ENOX1: variants seen among roughly 807,000 people sequenced by gnomAD.
ENOX1 encodes the protein candidate growth-related and time keeping constitutive hydroquinone (NADH) oxidase.
Under a neutral mutation model 82.5 loss-of-function variants are expected in ENOX1, and 42 were observed. The observed-to-expected ratio is 0.51, with a 90% CI of 0.40 to 0.66. ENOX1 has a LOEUF of 0.66. Among genes scored for constraint, ENOX1 ranks in the 30% least tolerant of loss-of-function variants. ENOX1 has a pLI of 0.00. For missense variants in ENOX1, 608 were observed against 811.6 expected (o/e 0.75, Z 3.05); for synonymous variants, 271 against 282.2 (o/e 0.96, Z 0.40).
chr13:43,780,013 T>C (rs1952167773), intron 1 of ENOX1, among the ~76,000 whole-genome samples: 1 of 151,880 alleles, frequency 6.6e-6, no homozygotes, highest in African/African-American at 2.4e-5. Context: ...TACAAAAAAT[T>C]AGCTGGGCAT....
At chr13:43,615,020 C>G in intron 2 of ENOX1, among the ~76,000 whole-genome samples, 1 of 152,036 alleles carries the variant, frequency 6.6e-6, no homozygotes, top group Non-Finnish European at 1.5e-5. Flanking sequence ...TGAGAGAAGA[C>G]TGTGGAATTT....
intron 5 of ENOX1, among the ~76,000 whole-genome samples, chr13:43,395,930 TA>T (rs1468682437): frequency 2.7e-5 from 4 of 146,618 alleles, no homozygotes; most frequent in East Asian, 3.8e-4. Context: ...TACAGAACTG[TA>T]AATTCAGAAA....
intron 3 of ENOX1, among the ~76,000 whole-genome samples, chr13:43,427,224 A>C (rs1403148480): frequency 6.6e-6 from 1 of 151,960 alleles, no homozygotes; most frequent in Non-Finnish European, 1.5e-5. Flanking sequence ...CAGCCAACAC[A>C]CTCCCCAGAT....
intron 14 of ENOX1, among the ~76,000 whole-genome samples, chr13:43,241,562 A>G (rs932493869): frequency 2.6e-5 from 4 of 152,142 alleles, no homozygotes; most frequent in African/African-American, 9.6e-5. Flanking sequence ...GGAAGAACAC[A>G]GTAAAAGCAC....
chr13:43,502,861 C>T (rs574864700), intron 2 of ENOX1, among the ~76,000 whole-genome samples: 7 of 150,090 alleles, frequency 4.7e-5, no homozygotes, highest in Non-Finnish European at 8.9e-5. Flanking sequence ...AGCAATCAGG[C>T]AATAAAAAGA....
At chr13:43,340,154 ACTG>A (rs1227599340) in intron 9 of ENOX1, among the ~76,000 whole-genome samples, 1 of 152,244 alleles carries the variant, frequency 6.6e-6, no homozygotes, top group Admixed American at 6.5e-5. Flanking sequence ...TAGTCAGGTT[ACTG>A]CTAATAGTTT....
At chr13:43,595,228 A>AATG (rs2081410548) in intron 2 of ENOX1, among the ~76,000 whole-genome samples, 1 of 151,574 alleles carries the variant, frequency 6.6e-6, no homozygotes. Context: ...ATAGATATTG[A>AATG]ATGAATAGAA....
chr13:43,567,803 CA>C, intron 2 of ENOX1, among the ~76,000 whole-genome samples: 1 of 152,234 alleles, frequency 6.6e-6, no homozygotes, highest in South Asian at 2.1e-4. Context: ...TATGTAACTT[CA>C]AATATCTTTG....
At chr13:43,702,252 T>C (rs1239600448) in intron 1 of ENOX1, among the ~76,000 whole-genome samples, 2 of 152,234 alleles carry the variant, frequency 1.3e-5, no homozygotes, top group African/African-American at 4.8e-5. Context: ...TGCAGAAATA[T>C]CTTGTTGAGG....
intron 2 of ENOX1, among the ~76,000 whole-genome samples, chr13:43,495,199 T>C (rs1480588354): frequency 6.6e-6 from 1 of 152,162 alleles, no homozygotes; most frequent in Admixed American, 6.5e-5. Context: ...TCAGCGAGTA[T>C]AATATATGGT....
intron 1 of ENOX1, among the ~76,000 whole-genome samples, chr13:43,709,562 G>A (rs536014860): frequency 6.6e-6 from 1 of 151,948 alleles, no homozygotes; most frequent in East Asian, 1.9e-4. Context: ...AGGGATCAAT[G>A]TGAAAAACAT....
intron 14 of ENOX1, among the ~76,000 whole-genome samples, chr13:43,251,028 T>C (rs2043425160): frequency 6.6e-6 from 1 of 152,144 alleles, no homozygotes; most frequent in African/African-American, 2.4e-5. Flanking sequence ...ACCTGCCCAG[T>C]GGAAAACTCT....
chr13:43,323,903 T>G (rs1326304882), intron 10 of ENOX1, among the ~76,000 whole-genome samples: 1 of 152,218 alleles, frequency 6.6e-6, no homozygotes, highest in Non-Finnish European at 1.5e-5. Context: ...TATTTATTGC[T>G]AACAGCATTT....
intron 5 of ENOX1, among the ~76,000 whole-genome samples, chr13:43,382,849 T>C (rs1357707987): frequency 3.3e-5 from 5 of 152,148 alleles, no homozygotes; most frequent in African/African-American, 1.2e-4. Context: ...ACGAAAACAC[T>C]GCCACAGTGA....
At chr13:43,621,555 T>C (rs2082732788) in intron 2 of ENOX1, among the ~76,000 whole-genome samples, 1 of 152,192 alleles carries the variant, frequency 6.6e-6, no homozygotes, top group African/African-American at 2.4e-5. Flanking sequence ...ATAATTGTTT[T>C]GTTTGAGAAG....
At chr13:43,368,272 G>C (rs1301067219) in intron 5 of ENOX1, among the ~76,000 whole-genome samples, 2 of 152,190 alleles carry the variant, frequency 1.3e-5, no homozygotes, top group African/African-American at 4.8e-5. Context: ...TGACCAGGAT[G>C]CAACGCTGGC....
At chr13:43,359,624 G>A (rs1232830866) in intron 7 of ENOX1, 4 of 542,244 alleles carry the variant, frequency 7.4e-6, no homozygotes, top group African/African-American at 5.7e-5. Flanking sequence ...TTAGAAACTC[G>A]ATGGAATTCC....
At chr13:43,663,007 A>G (rs2084808883) in intron 2 of ENOX1, among the ~76,000 whole-genome samples, 2 of 152,218 alleles carry the variant, frequency 1.3e-5, no homozygotes, top group Admixed American at 1.3e-4. Context: ...TTGAAAATGG[A>G]ATCTAAGAGA....
intron 2 of ENOX1, among the ~76,000 whole-genome samples, chr13:43,540,753 T>G (rs959454673): frequency 2.0e-5 from 3 of 152,202 alleles, no homozygotes; most frequent in Non-Finnish European, 4.4e-5. Flanking sequence ...TTCAGTCAGC[T>G]GTGGCCAAAA....
Sources: gnomAD v4.1 joint callset for allele counts (sites outside exome capture counted in the v4.1 genomes callset) on GRCh38, gnomAD v4.1.1 for gene constraint, MANE v1.5 for transcripts, NCBI Gene and HGNC (gene_info 2026-07-23, HGNC 2026-07-21) for gene names.